Variants in RSRC1 observed in about 807,000 individuals in gnomAD.
RSRC1 encodes the protein arginine and serine rich coiled-coil 1, also known as serine/Arginine-related protein 53.
A neutral mutation model predicts 49.1 loss-of-function variants in RSRC1; 39 were observed. That is an observed-to-expected ratio of 0.79 (90% CI 0.61 to 1.04). The LOEUF is 1.04. Among genes scored for constraint, RSRC1 ranks in the 50% least tolerant of loss-of-function variants. RSRC1 has a pLI of 0.00. For missense variants in RSRC1, 388 were observed against 402.4 expected (o/e 0.96, Z 0.31); for synonymous variants, 143 against 130.8 (o/e 1.09, Z -0.63).
At chr3:158,293,906 C>T (rs1455013624) in intron 4 of RSRC1, among the ~76,000 whole-genome samples, 1 of 151,992 alleles carries the variant, frequency 6.6e-6, no homozygotes, top group Non-Finnish European at 1.5e-5. Context: ...CAGTGATATT[C>T]TTCCTTTGTG....
chr3:158,186,473 G>A (rs771379413), intron 3 of RSRC1, among the ~76,000 whole-genome samples: 11 of 151,906 alleles, frequency 7.2e-5, no homozygotes, highest in African/African-American at 1.2e-4. Flanking sequence ...AGGGAACCAG[G>A]CACTGATGGA....
At chr3:158,427,488 T>C (rs2108350485) in intron 6 of RSRC1, among the ~76,000 whole-genome samples, 1 of 151,874 alleles carries the variant, frequency 6.6e-6, no homozygotes, top group Non-Finnish European at 1.5e-5. Flanking sequence ...GATAATTATA[T>C]AAGTATAGCC....
intron 7 of RSRC1, among the ~76,000 whole-genome samples, chr3:158,485,716 T>A (rs1180989337): frequency 6.6e-6 from 1 of 152,176 alleles, no homozygotes; most frequent in African/African-American, 2.4e-5. Context: ...TGTGAATTAT[T>A]TTTAGTTGTG....
intron 6 of RSRC1, among the ~76,000 whole-genome samples, chr3:158,372,622 TC>T (rs1176524147): frequency 3.9e-5 from 6 of 152,084 alleles, no homozygotes; most frequent in African/African-American, 1.4e-4. Flanking sequence ...CTTTAGCTCT[TC>T]TAATTCTTTT....
chr3:158,426,590 A>G (rs1444336526), intron 6 of RSRC1, among the ~76,000 whole-genome samples: 1 of 151,778 alleles, frequency 6.6e-6, no homozygotes, highest in Non-Finnish European at 1.5e-5. Flanking sequence ...AAATTTTAAC[A>G]GCTATTAATT....
At chr3:158,451,451 G>A (rs1461691691) in intron 6 of RSRC1, among the ~76,000 whole-genome samples, 1 of 151,902 alleles carries the variant, frequency 6.6e-6, no homozygotes, top group Non-Finnish European at 1.5e-5. Flanking sequence ...TAGTGAGTTT[G>A]GGGGGTATCT....
At chr3:158,393,850 A>C (rs1044605709) in intron 6 of RSRC1, among the ~76,000 whole-genome samples, 6 of 151,970 alleles carry the variant, frequency 3.9e-5, no homozygotes, top group African/African-American at 9.7e-5. Context: ...GAGACACAGC[A>C]AAAAAACAAA....
intron 3 of RSRC1, among the ~76,000 whole-genome samples, chr3:158,164,495 GAA>G (rs1319096689): frequency 6.6e-6 from 1 of 151,876 alleles, no homozygotes; most frequent in Non-Finnish European, 1.5e-5. Context: ...ATTACAAAAA[GAA>G]TGATTTTATA....
chr3:158,233,328 G>A (rs1312952771), intron 4 of RSRC1, among the ~76,000 whole-genome samples: 1 of 151,966 alleles, frequency 6.6e-6, no homozygotes, highest in Non-Finnish European at 1.5e-5. Context: ...CTATCAGTTT[G>A]GTGTCTTTGT....
chr3:158,161,986 G>GA (rs1718257405), intron 3 of RSRC1, among the ~76,000 whole-genome samples: 1 of 152,036 alleles, frequency 6.6e-6, no homozygotes, highest in African/African-American at 2.4e-5. Flanking sequence ...TCTCAACAAA[G>GA]AAAAGAAAAA....
chr3:158,356,558 T>G (rs1731171577), intron 6 of RSRC1, among the ~76,000 whole-genome samples: 1 of 151,960 alleles, frequency 6.6e-6, no homozygotes, highest in African/African-American at 2.4e-5. Context: ...TTATTTATCT[T>G]TATGTAGAAA....
intron 6 of RSRC1, among the ~76,000 whole-genome samples, chr3:158,377,478 TAA>T (rs935776503): frequency 6.6e-6 from 1 of 152,088 alleles, no homozygotes; most frequent in Admixed American, 6.6e-5. Context: ...TTTGGTTGTT[TAA>T]AAGAGTGTAG....
intron 3 of RSRC1, among the ~76,000 whole-genome samples, chr3:158,169,031 C>T (rs1296293063): frequency 1.3e-5 from 2 of 152,086 alleles, no homozygotes; most frequent in Non-Finnish European, 2.9e-5. Context: ...AGCCATTAGA[C>T]TTCCTTCCCT....
chr3:158,338,802 G>A lies in RSRC1; in HGVS notation c.532-16055G>A, dbSNP rs375747046. On this transcript the variant is annotated intron_variant, in intron 5 of 9. Coordinates refer to ENST00000611884, the MANE Select transcript of RSRC1 (RefSeq NM_001271838.2). ...TATTGTTAAGGCTTAGATGTTGTGAGCTGAATTAAAATTCAAGCTCTGCCA... is the reference window on the plus strand; with the variant it reads ...TATTGTTAAGGCTTAGATGTTGTGAACTGAATTAAAATTCAAGCTCTGCCA... Among the ~76,000 whole-genome samples, 8 of 152,242 alleles carry A rather than the reference G, an allele frequency of 5.3e-5. No homozygotes were observed. In the South Asian group the frequency reaches 8.3e-4, roughly 16 times the overall value.
At chr3:158,432,741 A>G (rs1289231493) in intron 6 of RSRC1, among the ~76,000 whole-genome samples, 1 of 151,984 alleles carries the variant, frequency 6.6e-6, no homozygotes, top group Admixed American at 6.6e-5. Flanking sequence ...AAAATATTGC[A>G]TATTGCATGT....
intron 3 of RSRC1, among the ~76,000 whole-genome samples, chr3:158,130,566 A>G (rs957362835): frequency 1.3e-5 from 2 of 152,190 alleles, no homozygotes; most frequent in African/African-American, 4.8e-5. Context: ...TAAACACAAA[A>G]TTTATGTTTC....
In RSRC1 at chr3:158,195,446, GT is replaced by G. The variant is rs1233603863; in HGVS notation, c.321-7624del. On this transcript the variant is annotated intron_variant, in intron 3 of 9. Coordinates refer to ENST00000611884, the MANE Select transcript of RSRC1 (RefSeq NM_001271838.2). The stretch of plus-strand genomic sequence containing the variant: ...GCAAACATTTTCTCCCATTCTGTAG[GT>G]TGCCTGTTCACTCTGATGGTAGTTT... 7.9e-5 allele frequency among the ~76,000 whole-genome samples: 12 copies of G among 151,924 alleles called. No individual in the cohort carries two copies. The East Asian group carries it at 2.3e-3, about 29-fold the overall frequency.
intron 5 of RSRC1, among the ~76,000 whole-genome samples, chr3:158,350,598 T>C (rs1730818644): frequency 6.6e-6 from 1 of 152,196 alleles, no homozygotes; most frequent in African/African-American, 2.4e-5. Flanking sequence ...TGTCTTCCCA[T>C]GGTCTTCTAT....
intron 4 of RSRC1, among the ~76,000 whole-genome samples, chr3:158,256,803 G>A (rs1044501686): frequency 8.5e-5 from 13 of 152,102 alleles, no homozygotes; most frequent in Admixed American, 4.6e-4. Flanking sequence ...TCTTGGGAGG[G>A]TGTATGTGTC....
Sources: allele counts gnomAD v4.1 joint callset (sites outside exome capture counted in the v4.1 genomes callset), GRCh38; gene constraint gnomAD v4.1.1; transcripts MANE v1.5; gene names NCBI Gene and HGNC (gene_info 2026-07-23, HGNC 2026-07-21).